WDR76: variants seen among roughly 807,000 people sequenced by gnomAD.
WDR76 encodes the protein WD repeat-containing protein 76.
WDR76 carries 52 observed loss-of-function variants against 70.2 expected under a neutral mutation model. The observed-to-expected ratio is 0.74, with a 90% CI of 0.59 to 0.93. The LOEUF is 0.93. Among genes scored for constraint, WDR76 ranks in the 40% least tolerant of loss-of-function variants. WDR76 has a pLI of 0.00. For synonymous variants in WDR76, 292 were observed against 271.1 expected (o/e 1.08, Z -0.76); for missense variants, 756 against 760.2 (o/e 0.99, Z 0.07).
At chr15:43,857,820 CAAAAA>C (rs972013972) in intron 10 of WDR76, among the ~76,000 whole-genome samples, 3 of 57,934 alleles carry the variant, frequency 5.2e-5, no homozygotes, top group Admixed American at 2.1e-4. Context: ...CTCTTGTCTC[CAAAAA>C]AAAAAAAAAA....
intron 12 of WDR76, among the ~76,000 whole-genome samples, chr15:43,862,276 C>CT: frequency 0.022 from 940 of 42,154 alleles, 19 homozygotes; most frequent in South Asian, 0.05. Context: ...TTATCAGTTT[C>CT]TTTTTTTTTT....
At chr15:43,852,205 C>T (rs192597037) in intron 9 of WDR76, among the ~76,000 whole-genome samples, 54 of 152,146 alleles carry the variant, frequency 3.5e-4, no homozygotes, top group East Asian at 1.7e-3. Flanking sequence ...TTTTTTGAGA[C>T]GGAGTTTTAC....
Position 43,842,612 on chromosome 15 carries a change from T to A in WDR76, c.835-16T>A. The A allele has an allele frequency of 6.2e-7, 1 of 1,607,270 alleles. No homozygotes were observed. Among genetic ancestry groups the A allele is most frequent in the South Asian group, 1.1e-5 (1 of 89,482 alleles). ...TACATACTAACTTAGTTCTTTCATC[T>A]CTCCCAATGTTTCAGCCAAGTAGTA... On this transcript the variant is annotated splice_polypyrimidine_tract_variant and intron_variant, in intron 6 of 12. Transcript: ENST00000263795.
intron 4 of WDR76, among the ~76,000 whole-genome samples, chr15:43,838,968 T>A (rs1399763782): frequency 6.6e-6 from 1 of 152,206 alleles, no homozygotes; most frequent in Admixed American, 6.6e-5. Context: ...CTCGAAGTAA[T>A]GTGGACTATA....
chr15:43,847,022 CAAAA>C (rs57096588), intron 8 of WDR76, among the ~76,000 whole-genome samples: 721 of 66,734 alleles, frequency 0.011, 6 homozygotes, highest in African/African-American at 0.033. Context: ...AACACCACCT[CAAAA>C]AAAAAAAAAA....
intron 10 of WDR76, chr15:43,857,572 C>T: frequency 1.0e-5 from 10 of 975,308 alleles, no homozygotes; most frequent in Non-Finnish European, 1.2e-5. Flanking sequence ...GTAATCCCAG[C>T]CCTTTGGGAG....
At position 43,835,207 on chromosome 15, in the gene WDR76, C is replaced by G; in HGVS notation, c.552+57C>G. 10 of 1,498,154 alleles carry G rather than the reference C, an allele frequency of 6.7e-6. No individual in the cohort carries two copies. In the South Asian group the frequency reaches 1.1e-4, roughly 17 times the overall value. 92.8% of individuals were successfully genotyped at this position (1,498,154 alleles called of 1,614,324 possible). On this transcript the variant is annotated intron_variant, in intron 3 of 12. Transcript: ENST00000263795. ...CAGGGCCGGGAACAGTGGGTAGCGCCTGTAATCCTGTCACTTGGGGAGGCT... is the reference window on the plus strand; with the variant it reads ...CAGGGCCGGGAACAGTGGGTAGCGCGTGTAATCCTGTCACTTGGGGAGGCT...
chr15:43,856,806 G>C lies in WDR76; in HGVS notation c.1192-140G>C, dbSNP rs143594499. On this transcript the variant is annotated intron_variant, in intron 9 of 12. Transcript: ENST00000263795. ...CCTGACTGTGTTTCCATTATGTCCT[G>C]TGCATCTGATGGGGATGATGAGAGG... is the stretch of plus-strand genomic sequence containing the variant. 1.0e-3 allele frequency: 693 copies of C among 682,390 alleles called. 3 individuals are homozygous for C. The highest frequency in any genetic ancestry group is 6.8e-3 in the Middle Eastern group (17 of 2,492). The allele number at this position is 682,390 out of a possible 1,614,324, so 42.3% of individuals were successfully genotyped here.
chr15:43,857,553 C>G, intron 10 of WDR76: 1 of 985,204 alleles, frequency 1.0e-6, no homozygotes, highest in Non-Finnish European at 1.2e-6. Context: ...GGCGTGGTGG[C>G]TCATGCCTGT....
intron 4 of WDR76, among the ~76,000 whole-genome samples, chr15:43,836,912 A>C (rs2087663081): frequency 6.6e-6 from 1 of 151,676 alleles, no homozygotes. Flanking sequence ...GTGGTGGCAC[A>C]TGTCTGAATC....
chr15:43,864,704 C>T (rs111915670), intron 12 of WDR76, among the ~76,000 whole-genome samples: 29 of 151,068 alleles, frequency 1.9e-4, no homozygotes, highest in South Asian at 1.7e-3. Context: ...AAGCAGTTCT[C>T]GTGCCTCAGC....
intron 8 of WDR76, among the ~76,000 whole-genome samples, chr15:43,850,542 G>A (rs1177921347): frequency 6.6e-6 from 1 of 152,080 alleles, no homozygotes; most frequent in Middle Eastern, 3.4e-3. Context: ...TGATCCGCCC[G>A]CCTTGGCCTC....
intron 11 of WDR76, 77 bp downstream of exon 11, chr15:43,858,900 G>C: frequency 6.6e-7 from 1 of 1,505,784 alleles, no homozygotes; most frequent in South Asian, 1.3e-5. Context: ...CAAAAGCTTT[G>C]TTTACTGCTG....
At chr15:43,858,645 A>G in intron 10 of WDR76, 26 bp from the exon 11 acceptor site, 2 of 1,610,926 alleles carry the variant, frequency 1.2e-6, no homozygotes, top group Non-Finnish European at 1.7e-6. Flanking sequence ...CTATGGCAAC[A>G]TTGATCATTG....
At position 43,827,875 on chromosome 15, in the gene WDR76, T is replaced by C; in HGVS notation, c.61-90T>C. The C allele has an allele frequency of 2.3e-6, 3 of 1,321,824 alleles. No individual in the cohort carries two copies. The South Asian group carries it at 4.7e-5, about 21-fold the overall frequency. 81.9% of individuals were successfully genotyped at this position (1,321,824 alleles called of 1,614,324 possible). ...TTGGATTTATATTGTCTTTGGGAAATGGGAATTATTAGATCTGTTAGGGAT... is the reference window on the plus strand; with the variant it reads ...TTGGATTTATATTGTCTTTGGGAAACGGGAATTATTAGATCTGTTAGGGAT... On this transcript the variant is annotated intron_variant, in intron 1 of 12. Transcript: ENST00000263795.
At chr15:43,853,577 A>G (rs1471687054) in intron 9 of WDR76, among the ~76,000 whole-genome samples, 1 of 152,200 alleles carries the variant, frequency 6.6e-6, no homozygotes, top group Non-Finnish European at 1.5e-5. Context: ...CAATTAAAAA[A>G]TGGGCAAAGG....
intron 2 of WDR76, among the ~76,000 whole-genome samples, chr15:43,830,567 A>AG (rs969533086): frequency 1.3e-5 from 2 of 151,422 alleles, no homozygotes; most frequent in African/African-American, 4.8e-5. Context: ...CGTCTCAAAA[A>AG]AAAAAAAAAA....
intron 2 of WDR76, among the ~76,000 whole-genome samples, chr15:43,834,357 A>G (rs1760013403): frequency 6.7e-6 from 1 of 149,742 alleles, no homozygotes; most frequent in Non-Finnish European, 1.5e-5. Flanking sequence ...CTAGAGTGCA[A>G]TGGTGCGATC....
At chr15:43,842,878 G>A (rs570632013) in intron 7 of WDR76, among the ~76,000 whole-genome samples, 2 of 151,968 alleles carry the variant, frequency 1.3e-5, no homozygotes, top group African/African-American at 2.4e-5. Context: ...ATATAAGCAA[G>A]AATTCTATTT....
Sources: allele counts gnomAD v4.1 joint callset (sites outside exome capture counted in the v4.1 genomes callset), GRCh38; gene constraint gnomAD v4.1.1; transcripts MANE v1.5; gene names NCBI Gene and HGNC (gene_info 2026-07-23, HGNC 2026-07-21).